The following LIN7A variants were observed in gnomAD, a reference collection of about 807,000 sequenced individuals.
LIN7A encodes lin-7 cell polarity scaffold A.
In LIN7A, 25 loss-of-function variants were observed where a neutral mutation model predicts 29.8. The observed-to-expected ratio is 0.84, with a 90% CI of 0.61 to 1.17. The LOEUF (loss-of-function observed/expected upper bound fraction) is 1.17. Among genes scored for constraint, LIN7A ranks in the 50% most tolerant of loss-of-function variants. The probability of loss-of-function intolerance (pLI) is 0.00; values close to 1 mark genes in which losing one functional copy is unlikely to be tolerated. For synonymous variants in LIN7A, 118 were observed against 107.5 expected (o/e 1.10, Z -0.60); for missense variants, 239 against 287.0 (o/e 0.83, Z 1.21).
chr12:80,876,249 A>G (rs1874696884), intron 2 of LIN7A, among the ~76,000 whole-genome samples: 1 of 152,146 alleles, frequency 6.6e-6, no homozygotes, highest in Non-Finnish European at 1.5e-5. Flanking sequence ...GATGAGTTAA[A>G]TAGTAATGAA....
intron 1 of LIN7A, among the ~76,000 whole-genome samples, chr12:80,921,849 C>T (rs761394950): frequency 6.6e-6 from 1 of 152,184 alleles, no homozygotes; most frequent in Non-Finnish European, 1.5e-5. Flanking sequence ...TCTGCCTGGT[C>T]ACAGAATATT....
At chr12:80,930,284 CAG>C (rs1300756120) in intron 1 of LIN7A, among the ~76,000 whole-genome samples, 77 of 152,132 alleles carry the variant, frequency 5.1e-4, no homozygotes, top group African/African-American at 1.6e-3. Flanking sequence ...AAGTGGTTTT[CAG>C]GCATATTTAT....
intron 5 of LIN7A, among the ~76,000 whole-genome samples, chr12:80,807,075 T>TTTTTTTTTTTTTG (rs1565883789): frequency 1.6e-5 from 2 of 124,142 alleles, no homozygotes; most frequent in East Asian, 2.4e-4. Context: ...TTTTTTTTTT[T>TTTTTTTTTTTTTG]TTTTTTTTTT....
intron 4 of LIN7A, among the ~76,000 whole-genome samples, chr12:80,840,444 C>T (rs12426219): frequency 0.095 from 14,417 of 152,032 alleles, 750 homozygotes; most frequent in East Asian, 0.19. Context: ...TTCATGTGTG[C>T]TTTTGTGTGT....
intron 3 of LIN7A, 63 bp from the exon 4 acceptor site, chr12:80,846,002 A>C (rs1873060562): frequency 6.9e-7 from 1 of 1,443,134 alleles, no homozygotes; most frequent in African/African-American, 1.4e-5. Flanking sequence ...GGCTAATCAT[A>C]TGCTTTGCAG....
At position 80,793,690 on chromosome 12, in the gene LIN7A, C is replaced by T. The variant is rs908191244; in HGVS notation, c.*4037G>A. On this transcript the variant is annotated 3_prime_UTR_variant, in exon 6 of 6. Transcript: ENST00000552864. ...GATTAAACTTCAGCTTAGTGTATTC[C>T]AGGAATCAAATATGAAAGGATAAAT... The T allele has an allele frequency of 6.6e-6, 1 of 151,988 alleles. No homozygotes were observed. The highest frequency in any genetic ancestry group is 1.5e-5 in the Non-Finnish European group (1 of 68,002). The allele number at this position is 151,988 out of a possible 1,614,324, so 9.4% of individuals were successfully genotyped here. A position where few individuals can be genotyped will look rare whatever the true frequency, so the allele number is the denominator to read the frequency against.
chr12:80,882,284 A>ATTTTTTTTTTTTTTTTTTTTT (rs1463134808), intron 2 of LIN7A, among the ~76,000 whole-genome samples: 5 of 71,984 alleles, frequency 6.9e-5, no homozygotes, highest in Admixed American at 1.2e-4. Context: ...TTTTTCTTTC[A>ATTTTTTTTTTTTTTTTTTTTT]TTCTTTTTTT....
At chr12:80,851,102 C>T (rs1056097497) in intron 2 of LIN7A, among the ~76,000 whole-genome samples, 1 of 152,094 alleles carries the variant, frequency 6.6e-6, no homozygotes, top group Non-Finnish European at 1.5e-5. Context: ...AAAACAGCAT[C>T]AGATCATTAC....
chr12:80,919,441 T>C (rs1380479390), intron 1 of LIN7A, among the ~76,000 whole-genome samples: 1 of 152,124 alleles, frequency 6.6e-6, no homozygotes, highest in Non-Finnish European at 1.5e-5. Context: ...GTTTAACAAA[T>C]TCAGGAAGGG....
intron 1 of LIN7A, among the ~76,000 whole-genome samples, chr12:80,933,375 TG>T (rs1241175217): frequency 3.3e-5 from 5 of 152,218 alleles, no homozygotes; most frequent in African/African-American, 1.2e-4. Flanking sequence ...ACTGTGGACC[TG>T]CTTTTATGTA....
chr12:80,925,818 A>T (rs546098767), intron 1 of LIN7A, among the ~76,000 whole-genome samples: 1 of 152,186 alleles, frequency 6.6e-6, no homozygotes, highest in Non-Finnish European at 1.5e-5. Context: ...TTAAAATGTC[A>T]CTTTACAGTT....
intron 4 of LIN7A, among the ~76,000 whole-genome samples, chr12:80,819,455 T>C (rs1477796485): frequency 6.6e-6 from 1 of 152,262 alleles, no homozygotes; most frequent in East Asian, 1.9e-4. Flanking sequence ...AAGTGCACTA[T>C]AATTTATCAG....
chr12:80,913,115 G>A (rs1034418481), intron 1 of LIN7A, among the ~76,000 whole-genome samples: 4 of 152,112 alleles, frequency 2.6e-5, no homozygotes, highest in Non-Finnish European at 5.9e-5. Context: ...ATTTTCCTAT[G>A]AGCTTACCGT....
At chr12:80,807,072 T>TGTTTTTTTTTTTTTTTG (rs777411417) in intron 5 of LIN7A, among the ~76,000 whole-genome samples, 2 of 120,264 alleles carry the variant, frequency 1.7e-5, no homozygotes, top group African/African-American at 3.4e-5. Flanking sequence ...AGTTTTTTTT[T>TGTTTTTTTTTTTTTTTG]TTTTTTTTTT....
chr12:80,851,355 C>CTT (rs199557424), intron 2 of LIN7A, among the ~76,000 whole-genome samples: 25 of 139,630 alleles, frequency 1.8e-4, no homozygotes, highest in African/African-American at 5.5e-4. Context: ...AATTGCTAGT[C>CTT]TTTTTTTTTT....
chr12:80,807,919 A>G (rs1339212147), intron 5 of LIN7A, among the ~76,000 whole-genome samples: 1 of 152,204 alleles, frequency 6.6e-6, no homozygotes, highest in Non-Finnish European at 1.5e-5. Flanking sequence ...CTATTCTCAC[A>G]GCAGCCAGAG....
chr12:80,932,839 A>C (rs1877988907), intron 1 of LIN7A, among the ~76,000 whole-genome samples: 1 of 152,222 alleles, frequency 6.6e-6, no homozygotes. Flanking sequence ...CCACGTGTTA[A>C]GTATTAAGGA....
At chr12:80,806,845 T>C (rs1871014789) in intron 5 of LIN7A, among the ~76,000 whole-genome samples, 1 of 152,188 alleles carries the variant, frequency 6.6e-6, no homozygotes, top group Non-Finnish European at 1.5e-5. Flanking sequence ...ATGACTTGGA[T>C]GTATTTTATT....
intron 2 of LIN7A, 42 bp downstream of exon 2, chr12:80,889,209 G>A (rs750904240): frequency 1.0e-6 from 1 of 987,564 alleles, no homozygotes; most frequent in Non-Finnish European, 1.6e-6. Flanking sequence ...CTATGAAGAA[G>A]ACATATGGCT....
Sources: gnomAD v4.1 joint callset for allele counts (sites outside exome capture counted in the v4.1 genomes callset) on GRCh38, gnomAD v4.1.1 for gene constraint, MANE v1.5 for transcripts, NCBI Gene and HGNC (gene_info 2026-07-23, HGNC 2026-07-21) for gene names.